The following TRPM2 variants were observed in gnomAD, a reference collection of about 807,000 sequenced individuals.
TRPM2 encodes the protein estrogen-responsive element-associated gene 1 protein.
Under a neutral mutation model 174.0 loss-of-function variants are expected in TRPM2, and 161 were observed. The observed-to-expected ratio is 0.93, with a 90% CI of 0.81 to 1.05. The LOEUF is 1.05. Among genes scored for constraint, TRPM2 ranks in the 50% least tolerant of loss-of-function variants. The probability of loss-of-function intolerance (pLI) is 0.00; values close to 1 mark genes in which losing one functional copy is unlikely to be tolerated. For synonymous variants in TRPM2, 954 were observed against 861.3 expected, an observed-to-expected ratio of 1.11 and a Z score of -1.88; for missense variants, 2,057 against 2,038.0, an observed-to-expected ratio of 1.01 and a Z score of -0.18.
rs949410833 is a variant in TRPM2 at position 44,430,411 on chromosome 21, G to A, written c.3974+3300G>A. Among the ~76,000 whole-genome samples the A allele has an allele frequency of 7.0e-5, 4 of 56,992 alleles. 1 individual carries two copies. Among genetic ancestry groups the A allele is most frequent in the African/African-American group, 2.8e-4 (4 of 14,202 alleles). The allele number at this position is 56,992 out of a possible 152,430, so 37.4% of individuals were successfully genotyped here. A position where few individuals can be genotyped will look rare whatever the true frequency, so the allele number is the denominator to read the frequency against. ...TAGCTCTAACATATTTTGAGCAAGT[G>A]GATTTCTTTTTTTTTTTTTTTTTTT... On this transcript the variant is annotated intron_variant, in intron 27 of 31. Transcript: ENST00000397928.
chr21:44,388,555 G>A (rs1838723846), intron 9 of TRPM2, among the ~76,000 whole-genome samples: 1 of 151,566 alleles, frequency 6.6e-6, no homozygotes, highest in Non-Finnish European at 1.5e-5. Flanking sequence ...TTGGCTGGGT[G>A]AGCTGGCTCA....
intron 2 of TRPM2, 66 bp from the exon 3 acceptor site, chr21:44,364,048 T>G: frequency 3.9e-6 from 6 of 1,536,792 alleles, no homozygotes; most frequent in Non-Finnish European, 5.3e-6. Context: ...GGGCCTCCTC[T>G]GATGCCTTCA....
At chr21:44,441,243 C>T (rs1415818888) in intron 31 of TRPM2, among the ~76,000 whole-genome samples, 13 of 35,578 alleles carry the variant, frequency 3.7e-4, no homozygotes, top group African/African-American at 2.7e-3. Flanking sequence ...GCTGGCCAGG[C>T]GACCATAGGG....
rs774834248 is a variant in TRPM2 at position 44,377,695 on chromosome 21, C to T, written c.953-17C>T. The stretch of plus-strand genomic sequence containing the variant: ...TTGTTTAGGTGTGGCCCTCACTCGG[C>T]TGTGTGCTTTTTCTAGGTGTGGCCA... On this transcript the variant is annotated splice_polypyrimidine_tract_variant and intron_variant, in intron 6 of 31. Coordinates refer to ENST00000397928, the MANE Select transcript of TRPM2 (RefSeq NM_003307.4). 2 of 1,614,006 alleles carry T rather than the reference C, an allele frequency of 1.2e-6. No individual in the cohort carries two copies. The highest frequency in any genetic ancestry group is 1.7e-5 in the Admixed American group (1 of 60,022).
At chr21:44,427,216 C>CA (rs951768775) in intron 27 of TRPM2, 105 bp downstream of exon 27, 23 of 995,776 alleles carry the variant, frequency 2.3e-5, no homozygotes, top group East Asian at 1.6e-4. Flanking sequence ...AAAACAAAAT[C>CA]AAAAAAAGCA....
chr21:44,380,108 T>C (rs188996347), intron 8 of TRPM2, among the ~76,000 whole-genome samples: 13 of 152,246 alleles, frequency 8.5e-5, no homozygotes, highest in Admixed American at 2.6e-4. Context: ...ACCACGGGTG[T>C]CGGAAGGGCT....
chr21:44,357,438 G>A (rs1218169329), intron 2 of TRPM2, among the ~76,000 whole-genome samples: 3 of 152,244 alleles, frequency 2.0e-5, no homozygotes, highest in African/African-American at 4.8e-5. Context: ...ACACAGCTAA[G>A]GTTTATCATG....
Position 44,438,903 on chromosome 21 carries a change from G to A in TRPM2, c.4168-164G>A, listed in dbSNP as rs1437591568. ...CTCACAGATGCTGACGTGGACGGCGGGTTCTGGGCAATGTCACTGCAGCCT... is the reference window on the plus strand; with the variant it reads ...CTCACAGATGCTGACGTGGACGGCGAGTTCTGGGCAATGTCACTGCAGCCT... On this transcript the variant is annotated intron_variant, in intron 29 of 31. Transcript: ENST00000397928. This position sits in a 1 kb window ranked among gnomAD's most constrained non-coding sequence, Gnocchi z 5.9. The A allele has an allele frequency of 8.7e-6, 5 of 574,800 alleles. No individual in the cohort carries two copies. The highest frequency in any genetic ancestry group is 4.7e-4 in the Middle Eastern group (1 of 2,108). 35.6% of individuals were successfully genotyped at this position (574,800 alleles called of 1,614,324 possible).
At chr21:44,398,008 C>A (rs556959205) in intron 13 of TRPM2, 132 bp downstream of exon 13, 1 of 1,150,810 alleles carries the variant, frequency 8.7e-7, no homozygotes, top group Non-Finnish European at 1.1e-6. Context: ...CAGCCCTGCA[C>A]GCTTACCCTG....
intron 5 of TRPM2, among the ~76,000 whole-genome samples, chr21:44,373,478 C>T (rs947088798): frequency 1.7e-4 from 26 of 152,370 alleles, no homozygotes; most frequent in Middle Eastern, 6.8e-3. Flanking sequence ...TGAGCCACTG[C>T]GCTTGGCCGT....
At position 44,441,892 on chromosome 21, in the gene TRPM2, G is replaced by A; in HGVS notation, c.*75G>A. The A allele has an allele frequency of 6.7e-7, 1 of 1,499,340 alleles. No homozygotes were observed. The highest frequency in any genetic ancestry group is 8.9e-7 in the Non-Finnish European group (1 of 1,123,236). The allele number at this position is 1,499,340 out of a possible 1,614,324, so 92.9% of individuals were successfully genotyped here. The stretch of plus-strand genomic sequence containing the variant: ...ACCAGGGCTTCTCTCTCCTGAGCCT[G>A]GCCAGGACTCAGGCTGTTCCTGGGC... On this transcript the variant is annotated 3_prime_UTR_variant, in exon 32 of 32. Transcript: ENST00000397928.
chr21:44,433,943 G>T (rs928754954), intron 27 of TRPM2, among the ~76,000 whole-genome samples: 1 of 152,202 alleles, frequency 6.6e-6, no homozygotes, highest in Non-Finnish European at 1.5e-5. Flanking sequence ...CTGGGTGGAG[G>T]CAGGGAGGCC....
At chr21:44,371,234 C>T (rs933309313) in intron 5 of TRPM2, among the ~76,000 whole-genome samples, 1 of 151,338 alleles carries the variant, frequency 6.6e-6, no homozygotes, top group Non-Finnish European at 1.5e-5. Context: ...GTCCCATGGC[C>T]GCCTCCCTCC....
Position 44,366,894 on chromosome 21 carries a change from C to T in TRPM2, c.564C>T (p.Ser188=), listed in dbSNP as rs747561258. 3.1e-6 allele frequency: 5 copies of T among 1,610,732 alleles called. No individual in the cohort carries two copies. In the East Asian group the frequency reaches 8.9e-5, roughly 29 times the overall value. The change falls in exon 4 of 32, where the codon AGC becomes AGT. Residue 188 remains serine (S), a synonymous_variant. Transcript: ENST00000397928. This position sits in a 1 kb window ranked among gnomAD's most constrained non-coding sequence, Gnocchi z 6.0. ...TCAACATGAAGCCGCGGCTGAAGAG[C>T]ATTTTCCGCAGAGGCCTGGTCAAGG... The part of the protein sequence containing the change: ...KNFNMKPRLK[S]IFRRGLVKVA...
chr21:44,439,142 G>A lies in TRPM2; in HGVS notation c.4243G>A (p.Glu1415Lys). Residue 1415 changes from glutamate to lysine, a missense_variant, in exon 30 of 32, where the codon GAA becomes AAA. By Grantham distance (56) the Glu-to-Lys change is moderately conservative. Coordinates refer to ENST00000397928, the MANE Select transcript of TRPM2 (RefSeq NM_003307.4). The surrounding 1 kb of genome is among the most constrained non-coding windows in gnomAD (Gnocchi z 5.1). ...ILRQEHWPSF[E>K]NLLKCGMEVY... ...CCGGCAGGAGCACTGGCCGTCTTTT[G>A]AAAACTTGCTGAAGTGCGGCATGGA... The A allele has an allele frequency of 6.2e-7, 1 of 1,613,742 alleles. No homozygotes were observed. Among genetic ancestry groups the A allele is most frequent in the Middle Eastern group, 1.6e-4 (1 of 6,062 alleles).
chr21:44,400,197 G>A, intron 14 of TRPM2, 62 bp from the exon 15 acceptor site: 1 of 1,440,980 alleles, frequency 6.9e-7, no homozygotes, highest in East Asian at 2.3e-5. Flanking sequence ...GCAGACAGCT[G>A]ACGGGCACCA....
Position 44,426,707 on chromosome 21 carries a change from G to C in TRPM2, c.3843G>C (p.Lys1281Asn), listed in dbSNP as rs372673439. 2.5e-6 allele frequency: 4 copies of C among 1,614,026 alleles called. No individual in the cohort carries two copies. Among genetic ancestry groups the C allele is most frequent in the African/African-American group, 2.7e-5 (2 of 74,938 alleles). Residue 1281 changes from lysine to asparagine, a missense_variant, in exon 26 of 32, where the codon AAG becomes AAC. Coordinates refer to ENST00000397928, the MANE Select transcript of TRPM2 (RefSeq NM_003307.4). The part of the protein sequence containing the change: ...YDPPFYTAER[K>N]DAAAMDPMGD... ...CACCCTTTTACACGGCAGAGAGGAA[G>C]GACGCGGCCGCCATGGACCCCATGG...
At chr21:44,395,897 ACTGTGGAGGGGTGTGGAGG>A (rs1436098997) in intron 12 of TRPM2, among the ~76,000 whole-genome samples, 1 of 3,194 alleles carries the variant, frequency 3.1e-4, no homozygotes. Context: ...GGGTGTGGAG[ACTGTGGAGGGGTGTGGAGG>A]CTGTGGAGGG....
At position 44,354,780 on chromosome 21, in the gene TRPM2, C is replaced by G; in HGVS notation, c.254+44C>G. ...GTGTAAGACCTCTGACTTCTTCCTTCCGATCCCACATGGAGTAGCTGATCA... is the reference window on the plus strand; with the variant it reads ...GTGTAAGACCTCTGACTTCTTCCTTGCGATCCCACATGGAGTAGCTGATCA... On this transcript the variant is annotated intron_variant, in intron 2 of 31. Transcript: ENST00000397928. This position sits in a 1 kb window ranked among gnomAD's most constrained non-coding sequence, Gnocchi z 4.3. 1 of 1,576,376 alleles carries G rather than the reference C, an allele frequency of 6.3e-7. No individual in the cohort carries two copies. The highest frequency in any genetic ancestry group is 8.7e-7 in the Non-Finnish European group (1 of 1,145,588).
Sources: gnomAD v4.1 joint callset for allele counts (sites outside exome capture counted in the v4.1 genomes callset) on GRCh38, gnomAD v4.1.1 for gene constraint, Gnocchi (gnomAD v3.1) non-coding constraint, MANE v1.5 for transcripts, NCBI Gene and HGNC (gene_info 2026-07-23, HGNC 2026-07-21) for gene names.